NAV2: variants seen among roughly 807,000 people sequenced by gnomAD.
NAV2 encodes neuron navigator 2, also known as helicase, APC down-regulated 1.
Under a neutral mutation model 223.2 loss-of-function variants are expected in NAV2, and 54 were observed. That is an observed-to-expected ratio of 0.24 (90% CI 0.19 to 0.30). The LOEUF is 0.30. Ranked by LOEUF, NAV2 falls within the 10% of genes least tolerant of loss-of-function variation. The probability of loss-of-function intolerance (pLI) is 1.00; values close to 1 mark genes in which losing one functional copy is unlikely to be tolerated. For synonymous variants in NAV2, 1,279 were observed against 1,239.3 expected (o/e 1.03, Z -0.67); for missense variants, 2,806 against 3,147.5 (o/e 0.89, Z 2.60).
chr11:19,955,796 C>G (rs1167042945), intron 10 of NAV2, among the ~76,000 whole-genome samples: 1 of 152,164 alleles, frequency 6.6e-6, no homozygotes, highest in Non-Finnish European at 1.5e-5. Context: ...TATGTCCAGA[C>G]CAGACCTGGA....
chr11:19,491,798 C>T (rs567445630), intron 1 of NAV2, among the ~76,000 whole-genome samples: 1 of 152,314 alleles, frequency 6.6e-6, no homozygotes, highest in East Asian at 1.9e-4. Flanking sequence ...TCTGGGCTTT[C>T]AACATGCCTT....
intron 1 of NAV2, among the ~76,000 whole-genome samples, chr11:19,813,611 C>T (rs375524078): frequency 6.6e-6 from 1 of 152,086 alleles, no homozygotes; most frequent in Non-Finnish European, 1.5e-5. Context: ...CATAAGCTGC[C>T]GCTATTCAGG....
intron 11 of NAV2, among the ~76,000 whole-genome samples, chr11:20,009,590 C>T (rs2053398222): frequency 4.6e-5 from 7 of 152,154 alleles, no homozygotes. Context: ...TTTGGTATGT[C>T]TGCATCTCTG....
intron 6 of NAV2, among the ~76,000 whole-genome samples, chr11:19,899,614 A>G (rs907896560): frequency 3.3e-5 from 5 of 152,194 alleles, no homozygotes; most frequent in East Asian, 1.9e-4. Flanking sequence ...TCTGCTTCCC[A>G]GGGACTCACA....
intron 1 of NAV2, among the ~76,000 whole-genome samples, chr11:19,663,650 C>T (rs1022856672): frequency 3.3e-5 from 5 of 152,184 alleles, no homozygotes; most frequent in African/African-American, 4.8e-5. Flanking sequence ...ATCCTCCTTC[C>T]TTCTTCATTT....
At chr11:19,959,786 C>G (rs1006659829) in intron 10 of NAV2, among the ~76,000 whole-genome samples, 2 of 152,184 alleles carry the variant, frequency 1.3e-5, no homozygotes, top group African/African-American at 4.8e-5. Flanking sequence ...AGCATGAACA[C>G]GATACCCTCC....
At chr11:19,575,274 G>A (rs1405924257) in intron 1 of NAV2, 3 of 154,240 alleles carry the variant, frequency 1.9e-5, no homozygotes, top group African/African-American at 4.8e-5. Context: ...CCCCAAACTG[G>A]TCCTATTGCC....
intron 10 of NAV2, among the ~76,000 whole-genome samples, chr11:19,953,435 C>T (rs1039520115): frequency 1.4e-5 from 2 of 144,692 alleles, no homozygotes; most frequent in African/African-American, 4.9e-5. Flanking sequence ...AAAGCTGGTT[C>T]CTGCATTTGC....
At chr11:19,406,459 G>A (rs57550550) in intron 1 of NAV2, among the ~76,000 whole-genome samples, 45,279 of 151,934 alleles carry the variant, frequency 0.3, 6,993 homozygotes, top group Admixed American at 0.33. Flanking sequence ...TAGAAACAGC[G>A]GGTGACTTGG....
intron 31 of NAV2, among the ~76,000 whole-genome samples, chr11:20,100,439 G>C (rs1180783546): frequency 6.6e-6 from 1 of 152,140 alleles, no homozygotes; most frequent in Non-Finnish European, 1.5e-5. Flanking sequence ...GATAGCAGTG[G>C]TACCTGGTAT....
intron 1 of NAV2, among the ~76,000 whole-genome samples, chr11:19,541,305 A>C (rs1382081751): frequency 2.0e-5 from 3 of 152,220 alleles, no homozygotes; most frequent in Admixed American, 2.0e-4. Context: ...TCTACCAAAA[A>C]TGTGACCTGC....
chr11:19,502,246 C>T (rs1298870223), intron 1 of NAV2, among the ~76,000 whole-genome samples: 1 of 152,156 alleles, frequency 6.6e-6, no homozygotes, highest in African/African-American at 2.4e-5. Context: ...AACTATATGA[C>T]CTTTGGCAAA....
chr11:19,522,382 G>A (rs991579527), intron 1 of NAV2, among the ~76,000 whole-genome samples: 1 of 152,228 alleles, frequency 6.6e-6, no homozygotes, highest in Non-Finnish European at 1.5e-5. Flanking sequence ...TGTGTTTACA[G>A]GAGTGTGGCC....
At chr11:19,608,562 A>G (rs1784664667) in intron 1 of NAV2, among the ~76,000 whole-genome samples, 1 of 152,268 alleles carries the variant, frequency 6.6e-6, no homozygotes. Context: ...GTCCTGTGTC[A>G]ACCATGATCT....
chr11:19,984,921 G>T (rs73434115), intron 11 of NAV2, among the ~76,000 whole-genome samples: 2,934 of 152,306 alleles, frequency 0.019, 98 homozygotes, highest in African/African-American at 0.067. Flanking sequence ...TGGACTATAT[G>T]ATTTCTATGA....
chr11:19,538,982 C>G (rs2044266001), intron 1 of NAV2, among the ~76,000 whole-genome samples: 1 of 151,992 alleles, frequency 6.6e-6, no homozygotes, highest in African/African-American at 2.4e-5. Flanking sequence ...ATACTTAGAA[C>G]AGAGCCTGGC....
intron 10 of NAV2, among the ~76,000 whole-genome samples, chr11:19,970,917 T>C (rs2049184198): frequency 6.6e-6 from 1 of 152,224 alleles, no homozygotes. Context: ...CTGCCTATCA[T>C]GAATGTTTTT....
At chr11:19,513,586 C>T (rs1288106389) in intron 1 of NAV2, among the ~76,000 whole-genome samples, 1 of 152,196 alleles carries the variant, frequency 6.6e-6, no homozygotes, top group Non-Finnish European at 1.5e-5. Context: ...CTATGTAAAT[C>T]TCTCCCTTTT....
At chr11:20,026,203 T>C (rs564330978) in intron 11 of NAV2, among the ~76,000 whole-genome samples, 3 of 152,300 alleles carry the variant, frequency 2.0e-5, no homozygotes, top group East Asian at 3.9e-4. Context: ...TTAATTCCAG[T>C]TTAGGCTCTG....
Sources: gnomAD v4.1 joint callset for allele counts (sites outside exome capture counted in the v4.1 genomes callset) on GRCh38, gnomAD v4.1.1 for gene constraint, MANE v1.5 for transcripts, NCBI Gene and HGNC (gene_info 2026-07-23, HGNC 2026-07-21) for gene names.